The following BICC1 variants were observed in gnomAD, a reference collection of about 807,000 sequenced individuals.
BICC1 encodes the protein protein bicaudal C homolog 1.
BICC1 carries 43 observed loss-of-function variants against 111.0 expected under a neutral mutation model. The ratio of observed to expected loss-of-function variants is 0.39; its 90% CI spans 0.30 to 0.50. The LOEUF (loss-of-function observed/expected upper bound fraction) is 0.50. BICC1 is among the 20% of genes least tolerant of loss of function. The probability of loss-of-function intolerance (pLI) is 0.88; values close to 1 mark genes in which losing one functional copy is unlikely to be tolerated. For synonymous variants in BICC1, 467 were observed against 434.4 expected, an observed-to-expected ratio of 1.07 and a Z score of -0.93; for missense variants, 1,091 against 1,203.2, an observed-to-expected ratio of 0.91 and a Z score of 1.38.
chr10:58,529,779 A>G (rs1263921957), intron 1 of BICC1, among the ~76,000 whole-genome samples: 2 of 151,824 alleles, frequency 1.3e-5, no homozygotes, highest in Non-Finnish European at 2.9e-5. Context: ...CTTATTACGT[A>G]CACAGAAAGA....
intron 2 of BICC1, among the ~76,000 whole-genome samples, chr10:58,692,831 T>TC (rs1839949892): frequency 7.0e-6 from 1 of 142,772 alleles, no homozygotes; most frequent in Non-Finnish European, 1.5e-5. Flanking sequence ...CAGGGATATC[T>TC]CCATCTTTTT....
intron 2 of BICC1, among the ~76,000 whole-genome samples, chr10:58,659,344 A>G (rs756410550): frequency 5.9e-5 from 9 of 152,180 alleles, no homozygotes; most frequent in South Asian, 2.1e-4. Context: ...ATGTCCATCA[A>G]TGGTAGACTG....
intron 2 of BICC1, among the ~76,000 whole-genome samples, chr10:58,679,915 T>G (rs1376739019): frequency 6.6e-6 from 1 of 152,166 alleles, no homozygotes; most frequent in Non-Finnish European, 1.5e-5. Context: ...ATTCATCATA[T>G]AAACAGAACC....
intron 1 of BICC1, among the ~76,000 whole-genome samples, chr10:58,566,330 T>TTA (rs1843762715): frequency 2.0e-5 from 3 of 151,906 alleles, no homozygotes; most frequent in Non-Finnish European, 4.4e-5. Flanking sequence ...ATATATTCAA[T>TTA]TATATATATA....
chr10:58,656,413 C>T (rs1045104599), intron 2 of BICC1, among the ~76,000 whole-genome samples: 1 of 150,680 alleles, frequency 6.6e-6, no homozygotes, highest in Non-Finnish European at 1.5e-5. Context: ...GATTTTTAGA[C>T]CAATATCCTT....
chr10:58,550,192 C>A (rs891831194), intron 1 of BICC1, among the ~76,000 whole-genome samples: 1 of 151,830 alleles, frequency 6.6e-6, no homozygotes, highest in Non-Finnish European at 1.5e-5. Context: ...ATTTTATTTT[C>A]AAATATTTTT....
intron 3 of BICC1, among the ~76,000 whole-genome samples, chr10:58,769,404 G>GTGTATATATATATATATATATATA (rs1050060686): frequency 5.5e-5 from 6 of 109,758 alleles, no homozygotes; most frequent in South Asian, 3.5e-4. Context: ...GTGTGTGTGT[G>GTGTATATATATATATATATATATA]TATATATATA....
rs1392041635 is a variant in BICC1, at chr10:58,633,959, G to A, written c.237+13058G>A. ...AATAAATGTAATAACTTTTAGGGGCGGAATTTCTTTTCTTTTTCTTTTTTT... is the reference window on the plus strand; with the variant it reads ...AATAAATGTAATAACTTTTAGGGGCAGAATTTCTTTTCTTTTTCTTTTTTT... On this transcript the variant is annotated intron_variant, in intron 2 of 20. Coordinates refer to ENST00000373886, the MANE Select transcript of BICC1 (RefSeq NM_001080512.3). 6.0e-5 allele frequency among the ~76,000 whole-genome samples: 9 copies of A among 150,304 alleles called. No homozygotes were observed. In the South Asian group the frequency reaches 6.3e-4, roughly 11 times the overall value.
At chr10:58,737,473 A>G (rs929743324) in intron 3 of BICC1, among the ~76,000 whole-genome samples, 2 of 152,180 alleles carry the variant, frequency 1.3e-5, no homozygotes, top group African/African-American at 4.8e-5. Context: ...GTATATGTGC[A>G]ACATTTTCTT....
rs766849953 is a variant in BICC1 at position 58,807,177 on chromosome 10, T to C, written c.2376+19T>C. ...TTATGAGGTTTGTAGAGTCATGTCC[T>C]ACTCATTCTTCCTGTCTGTTCTTTC... On this transcript the variant is annotated intron_variant, in intron 17 of 20. Transcript: ENST00000373886. 19 of 1,597,270 alleles carry C rather than the reference T, an allele frequency of 1.2e-5. 2 individuals are homozygous for C. The South Asian group carries it at 2.2e-4, about 18-fold the overall frequency.
chr10:58,724,725 A>G (rs982956540), intron 3 of BICC1, among the ~76,000 whole-genome samples: 2 of 152,156 alleles, frequency 1.3e-5, no homozygotes, highest in African/African-American at 4.8e-5. Flanking sequence ...TGACTTCAAG[A>G]TGGGGACACT....
Position 58,719,513 on chromosome 10 carries a change from T to G in BICC1, c.307+17370T>G, listed in dbSNP as rs1026205655. Among the ~76,000 whole-genome samples the G allele has an allele frequency of 4.7e-3, 4 of 844 alleles. No individual in the cohort carries two copies. The Non-Finnish European group carries it at 0.05, about 11-fold the overall frequency. 0.6% of individuals were successfully genotyped at this position (844 alleles called of 152,430 possible). A position where few individuals can be genotyped will look rare whatever the true frequency, so the allele number is the denominator to read the frequency against. ...TCATGCTTACATTTGGGCACTTTTC[T>G]TTTTTTTTTTTGAGACGGAGTCTCG... On this transcript the variant is annotated intron_variant, in intron 3 of 20. Transcript: ENST00000373886.
chr10:58,819,637 A>G (rs1844197526), intron 19 of BICC1, among the ~76,000 whole-genome samples: 1 of 152,272 alleles, frequency 6.6e-6, no homozygotes, highest in South Asian at 2.1e-4. Flanking sequence ...ATCTATAGTT[A>G]TAGTGAATGC....
chr10:58,532,658 G>A (rs566387890), intron 1 of BICC1, among the ~76,000 whole-genome samples: 2 of 151,694 alleles, frequency 1.3e-5, no homozygotes, highest in South Asian at 2.1e-4. Flanking sequence ...AACTGAAGAG[G>A]GCCAACAATT....
At chr10:58,781,109 A>G (rs761902692) in intron 3 of BICC1, among the ~76,000 whole-genome samples, 14 of 152,194 alleles carry the variant, frequency 9.2e-5, no homozygotes, top group Non-Finnish European at 1.8e-4. Context: ...CATTAGGATG[A>G]CACCAGAGGG....
chr10:58,701,796 A>G (rs1840244949), intron 2 of BICC1, among the ~76,000 whole-genome samples: 1 of 152,114 alleles, frequency 6.6e-6, no homozygotes, highest in Admixed American at 6.5e-5. Context: ...TTGTTCATGT[A>G]CTTTTTGGTT....
chr10:58,642,171 T>C (rs932132089), intron 2 of BICC1, among the ~76,000 whole-genome samples: 1 of 152,192 alleles, frequency 6.6e-6, no homozygotes, highest in East Asian at 1.9e-4. Context: ...GCTGAATACC[T>C]GGAAAATAGC....
intron 1 of BICC1, among the ~76,000 whole-genome samples, chr10:58,567,853 G>GT (rs1264825383): frequency 6.6e-6 from 1 of 152,066 alleles, no homozygotes; most frequent in African/African-American, 2.4e-5. Flanking sequence ...TGATTCTCAA[G>GT]TAAGTGTCTT....
chr10:58,639,463 C>T (rs1044871533), intron 2 of BICC1, among the ~76,000 whole-genome samples: 3 of 147,654 alleles, frequency 2.0e-5, no homozygotes, highest in East Asian at 2.0e-4. Context: ...GGTGCAATCT[C>T]GGCTCACTGC....
Sources: gnomAD v4.1 joint callset for allele counts (sites outside exome capture counted in the v4.1 genomes callset) on GRCh38, gnomAD v4.1.1 for gene constraint, MANE v1.5 for transcripts, NCBI Gene and HGNC (gene_info 2026-07-23, HGNC 2026-07-21) for gene names.